The following ROR1 variants were observed in gnomAD, a reference collection of about 807,000 sequenced individuals.
ROR1 encodes the protein inactive tyrosine-protein kinase transmembrane receptor ROR1.
In ROR1, 19 loss-of-function variants were observed where a neutral mutation model predicts 78.8. The ratio of observed to expected loss-of-function variants is 0.24; its 90% CI spans 0.17 to 0.35. ROR1 has a LOEUF of 0.35. Ranked by LOEUF, ROR1 falls within the 10% of genes least tolerant of loss-of-function variation. The probability of loss-of-function intolerance (pLI) is 1.00; values close to 1 mark genes in which losing one functional copy is unlikely to be tolerated. For missense variants in ROR1, 917 were observed against 1,177.8 expected, an observed-to-expected ratio of 0.78 and a Z score of 3.24; for synonymous variants, 386 against 433.6, an observed-to-expected ratio of 0.89 and a Z score of 1.36.
At chr1:63,889,645 G>A (rs536979000) in intron 1 of ROR1, among the ~76,000 whole-genome samples, 10 of 152,186 alleles carry the variant, frequency 6.6e-5, no homozygotes, top group African/African-American at 1.9e-4. Flanking sequence ...TGAAGAGCAG[G>A]GCATAAACCA....
intron 1 of ROR1, among the ~76,000 whole-genome samples, chr1:63,868,297 TC>T (rs1186352932): frequency 6.6e-6 from 1 of 152,172 alleles, no homozygotes; most frequent in African/African-American, 2.4e-5. Flanking sequence ...TGACCATAGT[TC>T]AGGGATTACT....
At position 63,968,469 on chromosome 1, in the gene ROR1, GT is replaced by G. The variant is rs56388192; in HGVS notation, c.92-40827del. Among the ~76,000 whole-genome samples the G allele has an allele frequency of 9.3e-5, 14 of 150,622 alleles. No homozygotes were observed. In the East Asian group the frequency reaches 1.2e-3, roughly 13 times the overall value. On this transcript the variant is annotated intron_variant, in intron 1 of 8. Coordinates refer to ENST00000371079, the MANE Select transcript of ROR1 (RefSeq NM_005012.4). ...TTCTCTTATTAACACTTCTCTTTCT[GT>G]TTTTTTTTACAATGAGTATTATTTT... is the stretch of plus-strand genomic sequence containing the variant.
intron 4 of ROR1, chr1:64,106,369 TG>T (rs1330265304): frequency 4.6e-5 from 7 of 152,282 alleles, no homozygotes; most frequent in Non-Finnish European, 4.4e-5. Flanking sequence ...GGTGAGATGA[TG>T]GGGTTTTCTA....
At chr1:63,782,858 A>G (rs1644661002) in intron 1 of ROR1, among the ~76,000 whole-genome samples, 1 of 152,178 alleles carries the variant, frequency 6.6e-6, no homozygotes, top group Non-Finnish European at 1.5e-5. Context: ...TAGGCACTTT[A>G]TACAGCCAGT....
chr1:63,904,678 T>G (rs1368681321), intron 1 of ROR1, among the ~76,000 whole-genome samples: 1 of 152,128 alleles, frequency 6.6e-6, no homozygotes, highest in Non-Finnish European at 1.5e-5. Context: ...GTCATTAGGG[T>G]GAGCCCTAAT....
intron 1 of ROR1, among the ~76,000 whole-genome samples, chr1:63,795,884 C>G (rs919833135): frequency 6.6e-6 from 1 of 152,086 alleles, no homozygotes; most frequent in Non-Finnish European, 1.5e-5. Context: ...TATGTAAGTA[C>G]AGAAGGTTTT....
At chr1:64,094,178 C>T (rs888548976) in intron 4 of ROR1, among the ~76,000 whole-genome samples, 1 of 152,202 alleles carries the variant, frequency 6.6e-6, no homozygotes, top group African/African-American at 2.4e-5. Context: ...CTACCATAGA[C>T]TGTCCCTCTC....
At chr1:63,909,197 C>T (rs780870184) in intron 1 of ROR1, among the ~76,000 whole-genome samples, 26 of 152,102 alleles carry the variant, frequency 1.7e-4, no homozygotes, top group Non-Finnish European at 3.5e-4. Flanking sequence ...ACCCCTGCCC[C>T]GATAAAGCTT....
intron 2 of ROR1, among the ~76,000 whole-genome samples, chr1:64,029,230 A>G (rs957169202): frequency 6.6e-6 from 1 of 152,126 alleles, no homozygotes; most frequent in African/African-American, 2.4e-5. Context: ...CCTTGCATAT[A>G]TTATCTCCTT....
chr1:64,160,278 C>T (rs1031527488), intron 8 of ROR1, among the ~76,000 whole-genome samples: 1 of 150,480 alleles, frequency 6.6e-6, no homozygotes, highest in Non-Finnish European at 1.5e-5. Context: ...ACAGAGCCCT[C>T]ATTTTTTTTT....
intron 1 of ROR1, among the ~76,000 whole-genome samples, chr1:63,921,587 G>A (rs1466412953): frequency 2.7e-5 from 4 of 147,406 alleles, no homozygotes; most frequent in South Asian, 2.2e-4. Context: ...CCAATGGCAC[G>A]GTTTACAATG....
At chr1:63,814,183 G>A (rs1644876121) in intron 1 of ROR1, among the ~76,000 whole-genome samples, 1 of 152,170 alleles carries the variant, frequency 6.6e-6, no homozygotes, top group African/African-American at 2.4e-5. Flanking sequence ...AAGTTGGCCT[G>A]GAACTCTCTC....
chr1:64,043,111 A>G (rs897421606), intron 2 of ROR1, among the ~76,000 whole-genome samples: 1 of 152,158 alleles, frequency 6.6e-6, no homozygotes, highest in African/African-American at 2.4e-5. Flanking sequence ...AACTCTTTAT[A>G]TCTCAGTTTC....
chr1:63,809,537 T>G (rs982068286), intron 1 of ROR1, among the ~76,000 whole-genome samples: 2 of 152,160 alleles, frequency 1.3e-5, no homozygotes, highest in African/African-American at 4.8e-5. Flanking sequence ...AATGGAGAGT[T>G]TCAAAGAAGT....
At chr1:64,084,564 C>T (rs773755371) in intron 4 of ROR1, among the ~76,000 whole-genome samples, 1 of 152,150 alleles carries the variant, frequency 6.6e-6, no homozygotes, top group African/African-American at 2.4e-5. Context: ...TGACAAAATC[C>T]ATGGCATTTC....
chr1:63,876,549 G>A (rs143143447), intron 1 of ROR1, among the ~76,000 whole-genome samples: 157 of 151,800 alleles, frequency 1.0e-3, no homozygotes, highest in African/African-American at 3.6e-3. Flanking sequence ...TTTGAGAAAT[G>A]GTCTGAATGT....
chr1:64,140,144 T>G lies in ROR1; in HGVS notation c.646T>G (p.Ser216Ala). The G allele has an allele frequency of 6.2e-7, 1 of 1,614,100 alleles. No homozygotes were observed. Among genetic ancestry groups the G allele is most frequent in the Non-Finnish European group, 8.5e-7 (1 of 1,179,926 alleles). ...TATGATTGGCACTTCCAGTCACTTA[T>G]CTGATAAGTGTTCTCAGTTCGCCAT... The part of the protein sequence containing the change: ...FTMIGTSSHL[S>A]DKCSQFAIPS... The change falls in exon 6 of 9, where the codon TCT (serine) becomes GCT (alanine). Residue 216 changes from serine (S) to alanine (A), a missense_variant. Around this residue, in one of 3 missense-constraint regions of ROR1, gnomAD observed 835 missense variants for 1,069.8 expected, o/e 0.78. Coordinates refer to ENST00000371079, the MANE Select transcript of ROR1 (RefSeq NM_005012.4).
At chr1:63,981,305 T>C (rs1646208178) in intron 1 of ROR1, among the ~76,000 whole-genome samples, 1 of 152,090 alleles carries the variant, frequency 6.6e-6, no homozygotes, top group Admixed American at 6.6e-5. Flanking sequence ...CCTCCTCAGC[T>C]CCTGCCCTGT....
chr1:64,075,235 T>G (rs1647039425), intron 4 of ROR1, among the ~76,000 whole-genome samples: 1 of 152,182 alleles, frequency 6.6e-6, no homozygotes, highest in African/African-American at 2.4e-5. Context: ...AAAATTACAC[T>G]TCAGAACATC....
Sources: allele counts gnomAD v4.1 joint callset (sites outside exome capture counted in the v4.1 genomes callset), GRCh38; gene constraint gnomAD v4.1.1; regional missense constraint gnomAD v4.1.1; transcripts MANE v1.5; gene names NCBI Gene and HGNC (gene_info 2026-07-23, HGNC 2026-07-21).